EP300: variants seen among roughly 807,000 people sequenced by gnomAD.
EP300 encodes the protein histone acetyltransferase p300.
A neutral mutation model predicts 264.0 loss-of-function variants in EP300; 31 were observed. The ratio of observed to expected loss-of-function variants is 0.12; its 90% confidence interval spans 0.09 to 0.16. The LOEUF is 0.16. Among genes scored for constraint, EP300 ranks in the 10% least tolerant of loss-of-function variants. EP300 has a pLI of 1.00. For missense variants in EP300, 2,766 were observed against 3,052.9 expected, an observed-to-expected ratio of 0.91 and a Z score of 2.21; for synonymous variants, 1,340 against 1,045.4, an observed-to-expected ratio of 1.28 and a Z score of -5.44.
chr22:41,178,468 G>T lies in EP300; in HGVS notation c.6757G>T (p.Ala2253Ser). Residue 2253 changes from alanine to serine, a missense_variant, in exon 31 of 31, where the codon GCA (alanine) becomes TCA (serine). Coordinates refer to ENST00000263253, the MANE Select transcript of EP300 (RefSeq NM_001429.4). ...GQLPQALGAE[A>S]GASLQAYQQR... The stretch of plus-strand genomic sequence containing the variant: ...GCTTCCCCAGGCCTTGGGAGCAGAG[G>T]CAGGTGCCAGTCTACAGGCCTATCA... 1 of 1,614,066 alleles carries T rather than the reference G, an allele frequency of 6.2e-7. No individual in the cohort carries two copies. Among genetic ancestry groups the T allele is most frequent in the Non-Finnish European group, 8.5e-7 (1 of 1,180,024 alleles).
chr22:41,111,413 T>G (rs2058789464), intron 1 of EP300, among the ~76,000 whole-genome samples: 1 of 152,244 alleles, frequency 6.6e-6, no homozygotes, highest in African/African-American at 2.4e-5. Flanking sequence ...TCTTTAAAAT[T>G]GACAACAGTT....
intron 13 of EP300, 53 bp from the exon 14 acceptor site, chr22:41,149,693 ATGCCTATGTAAGTAT>A: frequency 6.7e-7 from 1 of 1,491,760 alleles, no homozygotes; most frequent in Non-Finnish European, 9.3e-7. Context: ...TTTATATATC[ATGCCTATGTAAGTAT>A]TTCCTTAATT....
chr22:41,134,163 C>CTTTTTTTTTTTTTTTTTTT (rs11362436), intron 6 of EP300, among the ~76,000 whole-genome samples: 7 of 105,620 alleles, frequency 6.6e-5, no homozygotes, highest in East Asian at 2.7e-4. Context: ...TCATTCTTTT[C>CTTTTTTTTTTTTTTTTTTT]TTTTTTTTTT....
At position 41,179,027 on chromosome 22, in the gene EP300, T is replaced by C; in HGVS notation, c.*71T>C. On this transcript the variant is annotated 3_prime_UTR_variant, in exon 31 of 31. Coordinates refer to ENST00000263253, the MANE Select transcript of EP300 (RefSeq NM_001429.4). ...ACAAGACTTTTTGTACTGAAAACAA[T>C]TTTTTTGAATCTTTCGTAGCCTAAA... is the stretch of plus-strand genomic sequence containing the variant. 5 of 1,568,768 alleles carry C rather than the reference T, an allele frequency of 3.2e-6. 1 individual carries two copies. In the South Asian group the frequency reaches 4.5e-5, roughly 14 times the overall value.
chr22:41,178,223 A>G lies in EP300; in HGVS notation c.6512A>G (p.Asn2171Ser). ...MSPQAQQMNM[N>S]HNTMPSQFRD... ...CCCCAGGCTCAGCAGATGAACATGA[A>G]CCACAACACCATGCCTTCACAATTC... Residue 2171 changes from asparagine (N) to serine (S), a missense_variant, in exon 31 of 31, where the codon AAC becomes AGC. Coordinates refer to ENST00000263253, the MANE Select transcript of EP300 (RefSeq NM_001429.4). 1 of 1,614,108 alleles carries G rather than the reference A, an allele frequency of 6.2e-7. No homozygotes were observed. The highest frequency in any genetic ancestry group is 8.5e-7 in the Non-Finnish European group (1 of 1,180,016).
chr22:41,120,521 A>C (rs780925198), intron 2 of EP300, among the ~76,000 whole-genome samples: 14 of 152,172 alleles, frequency 9.2e-5, no homozygotes, highest in Admixed American at 2.0e-4. Context: ...CCTGTTGGCA[A>C]ATGACATCAG....
chr22:41,157,126 A>G, intron 17 of EP300, 43 bp from the exon 18 acceptor site: 2 of 1,612,940 alleles, frequency 1.2e-6, no homozygotes, highest in South Asian at 1.1e-5. Context: ...TCCCGTAAAA[A>G]TAGTGAGACT....
intron 5 of EP300, 51 bp downstream of exon 5, chr22:41,130,054 C>T (rs2145713919): frequency 7.4e-7 from 1 of 1,359,240 alleles, no homozygotes; most frequent in Admixed American, 1.7e-5. Flanking sequence ...TAAAGTCTCA[C>T]CAGTGCCATT....
intron 16 of EP300, among the ~76,000 whole-genome samples, chr22:41,153,238 G>C (rs906978995): frequency 6.6e-6 from 1 of 152,140 alleles, no homozygotes; most frequent in African/African-American, 2.4e-5. Flanking sequence ...TTTAGGACTA[G>C]AACTTTTGTG....
intron 1 of EP300, among the ~76,000 whole-genome samples, chr22:41,096,187 C>G (rs1249400938): frequency 6.6e-6 from 1 of 151,970 alleles, no homozygotes; most frequent in Non-Finnish European, 1.5e-5. Flanking sequence ...ATGAAAGCCA[C>G]TTGTAAACTT....
At chr22:41,151,810 A>G (rs1414872974) in intron 14 of EP300, 23 bp from the exon 15 acceptor site, 1 of 1,613,368 alleles carries the variant, frequency 6.2e-7, no homozygotes, top group East Asian at 2.2e-5. Context: ...TGTCTCACCT[A>G]CTTCCCTTTT....
At position 41,154,376 on chromosome 22, in the gene EP300, C is replaced by CTTTTTTTTTTTTTTTT. The variant is rs869304891; in HGVS notation, c.3143-611_3143-596dup. Among the ~76,000 whole-genome samples, 230 of 61,792 alleles carry CTTTTTTTTTTTTTTTT rather than the reference C, an allele frequency of 3.7e-3. 36 individuals are homozygous for CTTTTTTTTTTTTTTTT. The highest frequency in any genetic ancestry group is 9.2e-3 in the South Asian group (11 of 1,194). 40.5% of individuals were successfully genotyped at this position (61,792 alleles called of 152,430 possible). Reference sequence around the variant, plus strand: ...TCTTAACACGAGTATCTTGTGCACTCTTTTTTTTTTTTTTTTTTTTTTTGA... The same window carrying CTTTTTTTTTTTTTTTT: ...TCTTAACACGAGTATCTTGTGCACTCTTTTTTTTTTTTTTTTTTTTTTTTTTTTTTTTTTTTTTTGA... On this transcript the variant is annotated intron_variant, in intron 16 of 30. Transcript: ENST00000263253.
At chr22:41,153,711 G>A (rs1330632812) in intron 16 of EP300, among the ~76,000 whole-genome samples, 2 of 152,136 alleles carry the variant, frequency 1.3e-5, no homozygotes, top group Non-Finnish European at 2.9e-5. Flanking sequence ...CCAAGATGGC[G>A]CCACTGCACT....
rs968306330 is a variant in EP300, at chr22:41,133,188, G to C, written c.1528+1555G>C. On this transcript the variant is annotated intron_variant, in intron 6 of 30. Coordinates refer to ENST00000263253, the MANE Select transcript of EP300 (RefSeq NM_001429.4). Reference sequence around the variant, plus strand: ...ACCCCCACCCCGGAAACAGAGTCTCGCTGTGTCACCGAGGCTGGAGTACAG... The same window carrying C: ...ACCCCCACCCCGGAAACAGAGTCTCCCTGTGTCACCGAGGCTGGAGTACAG... 3.8e-5 allele frequency among the ~76,000 whole-genome samples: 4 copies of C among 105,724 alleles called. No homozygotes were observed. The Admixed American group carries it at 5.6e-4, about 15-fold the overall frequency. The allele number at this position is 105,724 out of a possible 152,430, so 69.4% of individuals were successfully genotyped here.
At chr22:41,124,892 A>G (rs2058872017) in intron 2 of EP300, among the ~76,000 whole-genome samples, 2 of 152,100 alleles carry the variant, frequency 1.3e-5, no homozygotes, top group African/African-American at 4.8e-5. Flanking sequence ...TTTGATCTTA[A>G]TCTTGAAAAT....
chr22:41,109,806 C>T (rs557855901), intron 1 of EP300, among the ~76,000 whole-genome samples: 1 of 151,400 alleles, frequency 6.6e-6, no homozygotes, highest in Non-Finnish European at 1.5e-5. Context: ...CATGCTCCCC[C>T]AAGCACCTCC....
intron 10 of EP300, among the ~76,000 whole-genome samples, chr22:41,144,701 A>G (rs1446376623): frequency 6.6e-6 from 1 of 152,170 alleles, no homozygotes; most frequent in Non-Finnish European, 1.5e-5. Flanking sequence ...GTTCCTTTAA[A>G]TAATTCATCA....
chr22:41,149,231 T>A (rs1288983247), intron 13 of EP300, 56 bp downstream of exon 13: 2 of 1,607,226 alleles, frequency 1.2e-6, no homozygotes, highest in Non-Finnish European at 1.7e-6. Context: ...CTTCTCTTGA[T>A]GTAGGTTTTT....
chr22:41,096,612 CTTTT>C (rs749353769), intron 1 of EP300, among the ~76,000 whole-genome samples: 1 of 104,474 alleles, frequency 9.6e-6, no homozygotes, highest in East Asian at 2.6e-4. Context: ...GTCAGCTCTA[CTTTT>C]TTTTTTTTTT....
Sources: allele counts gnomAD v4.1 joint callset (sites outside exome capture counted in the v4.1 genomes callset), GRCh38; gene constraint gnomAD v4.1.1; transcripts MANE v1.5; gene names NCBI Gene and HGNC (gene_info 2026-07-23, HGNC 2026-07-21).